Variants in DDX25 observed in about 807,000 individuals in gnomAD.
DDX25 encodes the protein DEAD-box helicase 25.
A neutral mutation model predicts 64.6 loss-of-function variants in DDX25; 70 were observed. That is an observed-to-expected ratio of 1.08 (90% confidence interval 0.89 to 1.32). The LOEUF (loss-of-function observed/expected upper bound fraction) is 1.32. Among genes scored for constraint, DDX25 ranks in the 40% most tolerant of loss-of-function variants. The pLI is 0.00. For missense variants in DDX25, 587 were observed against 604.4 expected, an observed-to-expected ratio of 0.97 and a Z score of 0.30; for synonymous variants, 211 against 213.3, an observed-to-expected ratio of 0.99 and a Z score of 0.09.
chr11:125,928,422 G>A lies in DDX25; in HGVS notation c.*5541G>A, dbSNP rs1264308891. 1.3e-5 allele frequency: 2 copies of A among 152,152 alleles called. No homozygotes were observed. The highest frequency in any genetic ancestry group is 2.9e-5 in the Non-Finnish European group (2 of 68,030). 9.4% of individuals were successfully genotyped at this position (152,152 alleles called of 1,614,324 possible). A position where few individuals can be genotyped will look rare whatever the true frequency, so the allele number is the denominator to read the frequency against. On this transcript the variant is annotated 3_prime_UTR_variant, in exon 12 of 12. Coordinates refer to ENST00000263576, the MANE Select transcript of DDX25 (RefSeq NM_013264.5). Reference sequence around the variant, plus strand: ...CAAAGCTTTAATTATAAATCATGCTGCAGTAAATATCTTCTCGCCCAATAT... The same window carrying A: ...CAAAGCTTTAATTATAAATCATGCTACAGTAAATATCTTCTCGCCCAATAT...
intron 9 of DDX25, among the ~76,000 whole-genome samples, chr11:125,918,354 T>C (rs1323824380): frequency 6.6e-6 from 1 of 152,230 alleles, no homozygotes; most frequent in Non-Finnish European, 1.5e-5. Context: ...TTTGTCATCA[T>C]AGCACCTGTG....
chr11:125,906,459 G>A (rs575551838), intron 4 of DDX25, among the ~76,000 whole-genome samples: 1 of 151,838 alleles, frequency 6.6e-6, no homozygotes, highest in Non-Finnish European at 1.5e-5. Context: ...GGGACTACAG[G>A]CATGCACCAC....
At chr11:125,920,797 C>T (rs1383496230) in intron 10 of DDX25, among the ~76,000 whole-genome samples, 2 of 152,074 alleles carry the variant, frequency 1.3e-5, no homozygotes, top group African/African-American at 4.8e-5. Context: ...AGAGCCAGAG[C>T]CCCATGACGG....
Position 125,911,331 on chromosome 11 carries a change from A to C in DDX25, c.643A>C (p.Thr215Pro), listed in dbSNP as rs1944965423. Reference sequence around the variant, plus strand: ...CCCAGTTCCCAGAGGCACCGACATCACTAAACAGATTATAATTGGCACTCC... The same window carrying C: ...CCCAGTTCCCAGAGGCACCGACATCCCTAAACAGATTATAATTGGCACTCC... ...GNRIPRGTDI[T>P]KQIIIGTPGT... Residue 215 changes from threonine to proline, a missense_variant, in exon 8 of 12, where the codon ACT becomes CCT. Coordinates refer to ENST00000263576, the MANE Select transcript of DDX25 (RefSeq NM_013264.5). 1.2e-6 allele frequency: 2 copies of C among 1,613,274 alleles called. No individual in the cohort carries two copies. Among genetic ancestry groups the C allele is most frequent in the East Asian group, 4.5e-5 (2 of 44,864 alleles).
chr11:125,907,481 G>C (rs532113183), intron 4 of DDX25, among the ~76,000 whole-genome samples: 11 of 151,966 alleles, frequency 7.2e-5, no homozygotes, highest in South Asian at 4.1e-4. Flanking sequence ...GGTGGCGGGC[G>C]CCTGTAGTCC....
rs933631885 is a variant in DDX25, at chr11:125,907,524, C to T, written c.312-672C>T. Reference sequence around the variant, plus strand: ...TCGGGAGGCTGAGGCAGGAGAATGGCGTGAACCCGGGAGGTGGAGCTTGCA... The same window carrying T: ...TCGGGAGGCTGAGGCAGGAGAATGGTGTGAACCCGGGAGGTGGAGCTTGCA... On this transcript the variant is annotated intron_variant, in intron 4 of 11. Coordinates refer to ENST00000263576, the MANE Select transcript of DDX25 (RefSeq NM_013264.5). 2.4e-4 allele frequency among the ~76,000 whole-genome samples: 36 copies of T among 152,126 alleles called. 2 individuals are homozygous for T. Among genetic ancestry groups the T allele is most frequent in the African/African-American group, 5.8e-4 (24 of 41,512 alleles).
chr11:125,918,571 G>A, intron 9 of DDX25, 57 bp from the exon 10 acceptor site: 1 of 1,531,740 alleles, frequency 6.5e-7, no homozygotes, highest in Non-Finnish European at 8.9e-7. Flanking sequence ...CACAAGCACA[G>A]CTAGGCTGCT....
intron 3 of DDX25, among the ~76,000 whole-genome samples, 158 bp from the exon 4 acceptor site, chr11:125,905,916 A>T (rs1944877502): frequency 6.6e-6 from 1 of 152,246 alleles, no homozygotes; most frequent in South Asian, 2.1e-4. Context: ...ATAAAGAACG[A>T]ATCCTCAGTG....
Position 125,925,742 on chromosome 11 carries a change from C to A in DDX25, c.*2861C>A. 3.9e-6 allele frequency: 1 copy of A among 255,230 alleles called. No individual in the cohort carries two copies. Among genetic ancestry groups the A allele is most frequent in the Admixed American group, 4.8e-5 (1 of 21,014 alleles). The allele number at this position is 255,230 out of a possible 1,614,324, so 15.8% of individuals were successfully genotyped here. ...ATTTCCAGTGGGTAAGTGAACACCT[C>A]GCATGGAACACGGCTGCTATGATGT... On this transcript the variant is annotated 3_prime_UTR_variant, in exon 12 of 12. Transcript: ENST00000263576.
chr11:125,913,629 T>A (rs1398498966), intron 8 of DDX25, among the ~76,000 whole-genome samples: 3 of 152,192 alleles, frequency 2.0e-5, no homozygotes, highest in Admixed American at 6.5e-5. Flanking sequence ...ATGACCTTTT[T>A]TTTTTCTCTC....
chr11:125,919,028 C>G (rs1945077646), intron 10 of DDX25, among the ~76,000 whole-genome samples: 1 of 152,122 alleles, frequency 6.6e-6, no homozygotes, highest in South Asian at 2.1e-4. Context: ...TTTTTGGAGA[C>G]ACAGAATCAA....
intron 8 of DDX25, among the ~76,000 whole-genome samples, chr11:125,915,526 T>G (rs1441260032): frequency 1.3e-5 from 2 of 152,226 alleles, no homozygotes; most frequent in Non-Finnish European, 2.9e-5. Context: ...TGAGTAACAA[T>G]CCAAACTCTT....
intron 6 of DDX25, 98 bp from the exon 7 acceptor site, chr11:125,910,265 CT>C: frequency 2.2e-6 from 2 of 921,794 alleles, no homozygotes; most frequent in Non-Finnish European, 3.4e-6. Flanking sequence ...CTTCAATTTC[CT>C]TTCTGTGCCT....
intron 1 of DDX25, chr11:125,904,844 C>T (rs914618612): frequency 1.7e-6 from 1 of 572,492 alleles, no homozygotes; most frequent in African/African-American, 1.9e-5. Flanking sequence ...GTAGTCCCAG[C>T]TAGACCCCGA....
At position 125,906,058 on chromosome 11, in the gene DDX25, A is replaced by T. The variant is rs1384098210; in HGVS notation, c.176-16A>T. 2.6e-6 allele frequency: 4 copies of T among 1,525,338 alleles called. No homozygotes were observed. In the Admixed American group the frequency reaches 9.4e-5, roughly 36 times the overall value. The allele number at this position is 1,525,338 out of a possible 1,614,324, so 94.5% of individuals were successfully genotyped here. ...CAGGAAGCTTGATGTCCTCTTTTTT[A>T]TTTTTGCTTTTCTAGTGGATTTGGC... On this transcript the variant is annotated splice_polypyrimidine_tract_variant and intron_variant, in intron 3 of 11. Transcript: ENST00000263576.
At chr11:125,907,573 A>G (rs1017276288) in intron 4 of DDX25, among the ~76,000 whole-genome samples, 4 of 151,746 alleles carry the variant, frequency 2.6e-5, no homozygotes, top group South Asian at 2.1e-4. Flanking sequence ...GCGCCACTGC[A>G]CTCCAGCCTG....
rs556046557 is a variant in DDX25 at position 125,907,424 on chromosome 11, C to A, written c.312-772C>A. Among the ~76,000 whole-genome samples the A allele has an allele frequency of 1.6e-3, 248 of 152,184 alleles. 3 individuals are homozygous for A. The highest frequency in any genetic ancestry group is 6.8e-3 in the Middle Eastern group (2 of 294). On this transcript the variant is annotated intron_variant, in intron 4 of 11. Coordinates refer to ENST00000263576, the MANE Select transcript of DDX25 (RefSeq NM_013264.5). Reference sequence around the variant, plus strand: ...GAGATCGAGACCATCCTGGCTAACACAGTGAAACCCCGTCTCTACTAAAAA... The same window carrying A: ...GAGATCGAGACCATCCTGGCTAACAAAGTGAAACCCCGTCTCTACTAAAAA...
At chr11:125,904,100 T>C (rs1272802279), upstream of DDX25, among the ~76,000 whole-genome samples, 3 of 152,208 alleles carry the variant, frequency 2.0e-5, no homozygotes, top group East Asian at 5.8e-4. Flanking sequence ...TCTTGTGATG[T>C]GGAGGCGGAA....
At chr11:125,914,042 A>C (rs1178944286) in intron 8 of DDX25, among the ~76,000 whole-genome samples, 2 of 152,202 alleles carry the variant, frequency 1.3e-5, no homozygotes, top group African/African-American at 2.4e-5. Context: ...CTTGCATTAC[A>C]GATGCAGTAT....
Sources: gnomAD v4.1 joint callset for allele counts (sites outside exome capture counted in the v4.1 genomes callset) on GRCh38, gnomAD v4.1.1 for gene constraint, MANE v1.5 for transcripts, NCBI Gene and HGNC (gene_info 2026-07-23, HGNC 2026-07-21) for gene names.